ABCA13: variants seen among roughly 807,000 people sequenced by gnomAD.
ABCA13 encodes ATP binding cassette subfamily A member 13, also known as ATP-binding cassette sub-family A member 13.
In ABCA13, 476 loss-of-function variants were observed where a neutral mutation model predicts 478.7. The observed-to-expected ratio is 0.99, with a 90% confidence interval of 0.92 to 1.07. The LOEUF is 1.07. ABCA13 is among the 50% of genes least tolerant of loss of function. The pLI is 0.00. For missense variants in ABCA13, 6,060 were observed against 5,910.6 expected (o/e 1.03, Z -0.83); for synonymous variants, 2,252 against 2,158.9 (o/e 1.04, Z -1.20).
chr7:48,390,782 C>T (rs1815932010), intron 37 of ABCA13, among the ~76,000 whole-genome samples: 1 of 152,176 alleles, frequency 6.6e-6, no homozygotes, highest in Admixed American at 6.5e-5. Context: ...CTCCTTGGGA[C>T]AGCTGAGTGG....
rs982135348 is a variant in ABCA13 at position 48,553,744 on chromosome 7, C to T, written c.14354+25399C>T. On this transcript the variant is annotated intron_variant, in intron 55 of 61. Transcript: ENST00000435803. ...CAGATGGATAGTTTGCAAATATTTTCTCCCATGCTTTGGGCTGTCTCTTCA... is the reference window on the plus strand; with the variant it reads ...CAGATGGATAGTTTGCAAATATTTTTTCCCATGCTTTGGGCTGTCTCTTCA... 2.5e-4 allele frequency among the ~76,000 whole-genome samples: 38 copies of T among 151,988 alleles called. 1 individual carries two copies.
rs562092285 is a variant in ABCA13, at chr7:48,403,675, A to T, written c.11874-8A>T. ...AGGGAGAAGAGTGATGTTTTCTTCTAATTTCAGAACTCTTCAGGATGTGGA... is the reference window on the plus strand; with the variant it reads ...AGGGAGAAGAGTGATGTTTTCTTCTTATTTCAGAACTCTTCAGGATGTGGA... On this transcript the variant is annotated splice_region_variant and splice_polypyrimidine_tract_variant and intron_variant, in intron 38 of 61. Transcript: ENST00000435803. 1 of 1,612,856 alleles carries T rather than the reference A, an allele frequency of 6.2e-7. No homozygotes were observed. The highest frequency in any genetic ancestry group is 2.2e-5 in the East Asian group (1 of 44,854).
intron 38 of ABCA13, among the ~76,000 whole-genome samples, chr7:48,397,997 C>T (rs1387286684): frequency 6.6e-6 from 1 of 152,176 alleles, no homozygotes; most frequent in African/African-American, 2.4e-5. Context: ...GTGCTGTCTT[C>T]AGAGAATGGC....
intron 5 of ABCA13, among the ~76,000 whole-genome samples, chr7:48,227,007 T>C (rs550927218): frequency 6.6e-6 from 1 of 152,144 alleles, no homozygotes; most frequent in African/African-American, 2.4e-5. Flanking sequence ...CTTCTTTTTC[T>C]TCTTACCCCA....
chr7:48,445,125 C>T (rs1035391857), intron 42 of ABCA13, among the ~76,000 whole-genome samples: 1 of 151,950 alleles, frequency 6.6e-6, no homozygotes, highest in Admixed American at 6.6e-5. Context: ...TCTCCTGCCT[C>T]AGCCTCCTGA....
chr7:48,361,079 G>C, intron 31 of ABCA13, among the ~76,000 whole-genome samples: 1 of 150,498 alleles, frequency 6.6e-6, no homozygotes, highest in East Asian at 1.9e-4. Context: ...CTGGGCAACA[G>C]AGTGAGACCC....
chr7:48,305,033 T>C (rs1361898924), intron 23 of ABCA13, among the ~76,000 whole-genome samples: 1 of 152,246 alleles, frequency 6.6e-6, no homozygotes, highest in African/African-American at 2.4e-5. Context: ...TTAAATATCC[T>C]GTAAGTCAAA....
In ABCA13 at chr7:48,239,228, A is replaced by G. The variant is rs1016260413; in HGVS notation, c.898-13A>G. ...GAGCTTTATGTCTAAATATTTTTTC[A>G]TATTGTTGTCAGATTCCCACAGACA... is the stretch of plus-strand genomic sequence containing the variant. On this transcript the variant is annotated splice_polypyrimidine_tract_variant and intron_variant, in intron 8 of 61. Transcript: ENST00000435803. 6.2e-7 allele frequency: 1 copy of G among 1,613,358 alleles called. No homozygotes were observed. The highest frequency in any genetic ancestry group is 1.3e-5 in the African/African-American group (1 of 75,016).
At chr7:48,524,973 A>C (rs1187245338) in intron 54 of ABCA13, among the ~76,000 whole-genome samples, 1 of 152,240 alleles carries the variant, frequency 6.6e-6, no homozygotes, top group African/African-American at 2.4e-5. Flanking sequence ...TAATGTGTAA[A>C]GGGAAATCAG....
chr7:48,645,842 C>T lies in ABCA13; in HGVS notation c.*330C>T. 3.5e-6 allele frequency: 1 copy of T among 283,128 alleles called. No homozygotes were observed. The highest frequency in any genetic ancestry group is 6.7e-6 in the Non-Finnish European group (1 of 149,700). 17.5% of individuals were successfully genotyped at this position (283,128 alleles called of 1,614,324 possible). On this transcript the variant is annotated 3_prime_UTR_variant, in exon 62 of 62. Coordinates refer to ENST00000435803, the MANE Select transcript of ABCA13 (RefSeq NM_152701.5). ...TTCTGGAGCTGGAAAGCCTGTCACACTAGAGTGTGTGTGACATGTCCACTC... is the reference window on the plus strand; with the variant it reads ...TTCTGGAGCTGGAAAGCCTGTCACATTAGAGTGTGTGTGACATGTCCACTC...
intron 15 of ABCA13, among the ~76,000 whole-genome samples, chr7:48,263,176 G>T (rs1794421530): frequency 1.3e-5 from 2 of 151,920 alleles, no homozygotes; most frequent in African/African-American, 4.8e-5. Context: ...CTGAATCAGA[G>T]TATGCATTTT....
At chr7:48,520,780 C>A (rs1391958860) in intron 53 of ABCA13, among the ~76,000 whole-genome samples, 1 of 152,170 alleles carries the variant, frequency 6.6e-6, no homozygotes, top group African/African-American at 2.4e-5. Context: ...TCAATTCCAA[C>A]CTATGAGTGA....
intron 1 of ABCA13, among the ~76,000 whole-genome samples, chr7:48,181,992 C>T (rs1389110359): frequency 6.6e-6 from 1 of 152,248 alleles, no homozygotes; most frequent in Admixed American, 6.5e-5. Context: ...TCTTGGCCAA[C>T]TCCAGGGTCC....
At chr7:48,493,470 A>T (rs1192325241) in intron 48 of ABCA13, among the ~76,000 whole-genome samples, 1 of 152,226 alleles carries the variant, frequency 6.6e-6, no homozygotes, top group Non-Finnish European at 1.5e-5. Context: ...AAGATTAAAT[A>T]GAAGTGCTTA....
chr7:48,642,944 T>C (rs1401171330), intron 59 of ABCA13, among the ~76,000 whole-genome samples: 1 of 152,214 alleles, frequency 6.6e-6, no homozygotes, highest in African/African-American at 2.4e-5. Flanking sequence ...GCAATCATGC[T>C]TCCCAGGGCC....
chr7:48,380,615 T>C (rs1392253120), intron 35 of ABCA13, among the ~76,000 whole-genome samples: 1 of 152,224 alleles, frequency 6.6e-6, no homozygotes, highest in Non-Finnish European at 1.5e-5. Flanking sequence ...CAAGGACATT[T>C]CTTTGTTGCA....
intron 29 of ABCA13, among the ~76,000 whole-genome samples, chr7:48,344,283 C>T (rs1461867038): frequency 6.6e-6 from 1 of 152,140 alleles, no homozygotes; most frequent in Non-Finnish European, 1.5e-5. Context: ...AACAGCCCTC[C>T]ACAGCAAGGA....
intron 55 of ABCA13, among the ~76,000 whole-genome samples, chr7:48,528,630 C>T (rs928909779): frequency 1.3e-5 from 2 of 152,090 alleles, no homozygotes; most frequent in African/African-American, 2.4e-5. Context: ...CCCAGCTCCT[C>T]TCTGCAGATG....
At chr7:48,527,210 C>T (rs140401414) in intron 54 of ABCA13, among the ~76,000 whole-genome samples, 2,568 of 151,972 alleles carry the variant, frequency 0.017, 31 homozygotes, top group Non-Finnish European at 0.024. Flanking sequence ...ACAGGGTAGG[C>T]CTGGGGGAGA....
Sources: gnomAD v4.1 joint callset for allele counts (sites outside exome capture counted in the v4.1 genomes callset) on GRCh38, gnomAD v4.1.1 for gene constraint, MANE v1.5 for transcripts, NCBI Gene and HGNC (gene_info 2026-07-23, HGNC 2026-07-21) for gene names.